AIG1: variants seen among roughly 807,000 people sequenced by gnomAD.
The protein encoded by AIG1 is androgen-induced gene 1 protein.
In AIG1, 23 loss-of-function variants were observed where a neutral mutation model predicts 31.4. The observed-to-expected ratio is 0.73, with a 90% CI of 0.53 to 1.04. AIG1 has a LOEUF of 1.04. Among genes scored for constraint, AIG1 ranks in the 50% least tolerant of loss-of-function variants. The pLI, the probability that AIG1 is intolerant of heterozygous loss-of-function variation, is 0.00. For synonymous variants in AIG1, 100 were observed against 110.5 expected, an observed-to-expected ratio of 0.90 and a Z score of 0.60; for missense variants, 274 against 295.0, an observed-to-expected ratio of 0.93 and a Z score of 0.52.
intron 1 of AIG1, among the ~76,000 whole-genome samples, chr6:143,076,704 G>C (rs1187219355): frequency 7.5e-6 from 1 of 133,930 alleles, no homozygotes; most frequent in African/African-American, 2.9e-5. Flanking sequence ...ATGGAGTCTT[G>C]CTTTGTTGCC....
intron 3 of AIG1, among the ~76,000 whole-genome samples, chr6:143,175,726 T>C (rs1690859127): frequency 1.3e-5 from 2 of 152,200 alleles, no homozygotes; most frequent in South Asian, 2.1e-4. Context: ...CAATTTTTGA[T>C]TTCTTTTAAG....
At chr6:143,118,730 T>C (rs140360422) in intron 1 of AIG1, among the ~76,000 whole-genome samples, 2 of 152,216 alleles carry the variant, frequency 1.3e-5, no homozygotes, top group African/African-American at 2.4e-5. Flanking sequence ...TTATGACTGA[T>C]AGTGCTAATA....
At chr6:143,062,385 A>T (rs144786460) in intron 1 of AIG1, among the ~76,000 whole-genome samples, 11 of 152,152 alleles carry the variant, frequency 7.2e-5, no homozygotes, top group Admixed American at 7.2e-4. Context: ...AACATGCGTG[A>T]TGCCTGCCAG....
chr6:143,084,795 C>T (rs138821348), intron 1 of AIG1, among the ~76,000 whole-genome samples: 27 of 152,226 alleles, frequency 1.8e-4, no homozygotes, highest in Non-Finnish European at 2.8e-4. Flanking sequence ...TCCTAGTTTC[C>T]CTTAGTCCTT....
At chr6:143,307,773 T>C (rs1247519949) in intron 4 of AIG1, among the ~76,000 whole-genome samples, 2 of 151,876 alleles carry the variant, frequency 1.3e-5, no homozygotes, top group Non-Finnish European at 2.9e-5. Flanking sequence ...GTTACTGCTG[T>C]CTTTTTGTTT....
chr6:143,293,231 A>G lies in AIG1; in HGVS notation c.515+9006A>G, dbSNP rs1435417437. On this transcript the variant is annotated intron_variant, in intron 4 of 5. Transcript: ENST00000357847. The surrounding 1 kb of genome is among the most constrained non-coding windows in gnomAD (Gnocchi z 4.8). Reference sequence around the variant, plus strand: ...CTCTCTTCCCCGCCACCCTTATTTTATTTTCATTTTATCCTCTGTTCTTCA... The same window carrying G: ...CTCTCTTCCCCGCCACCCTTATTTTGTTTTCATTTTATCCTCTGTTCTTCA... Among the ~76,000 whole-genome samples, 1 of 151,474 alleles carries G rather than the reference A, an allele frequency of 6.6e-6. No individual in the cohort carries two copies. Among genetic ancestry groups the G allele is most frequent in the Non-Finnish European group, 1.5e-5 (1 of 67,868 alleles).
intron 1 of AIG1, among the ~76,000 whole-genome samples, chr6:143,136,076 A>G (rs1178234509): frequency 2.0e-5 from 3 of 152,206 alleles, no homozygotes; most frequent in South Asian, 2.1e-4. Flanking sequence ...GCTTCCATTC[A>G]TAATTGATTT....
At chr6:143,119,275 A>G (rs1782038471) in intron 1 of AIG1, among the ~76,000 whole-genome samples, 1 of 152,342 alleles carries the variant, frequency 6.6e-6, no homozygotes, top group South Asian at 2.1e-4. Context: ...CAAACACTCC[A>G]TAAACCTTGC....
At chr6:143,065,181 C>T (rs1018220529) in intron 1 of AIG1, among the ~76,000 whole-genome samples, 10 of 152,122 alleles carry the variant, frequency 6.6e-5, no homozygotes, top group African/African-American at 2.4e-4. Context: ...TGTGGTTTTT[C>T]GGTTGCCCCA....
chr6:143,160,778 G>A (rs941938423), intron 2 of AIG1, among the ~76,000 whole-genome samples: 1 of 152,214 alleles, frequency 6.6e-6, no homozygotes, highest in Non-Finnish European at 1.5e-5. Context: ...CATCTGTGCT[G>A]TGTTTATATC....
chr6:143,156,612 T>C (rs1785787418), intron 2 of AIG1, among the ~76,000 whole-genome samples: 1 of 152,212 alleles, frequency 6.6e-6, no homozygotes, highest in Non-Finnish European at 1.5e-5. Flanking sequence ...TGTCTTAGAT[T>C]GGACTCCTGT....
chr6:143,149,444 G>A (rs578149724), intron 2 of AIG1, among the ~76,000 whole-genome samples: 3 of 149,534 alleles, frequency 2.0e-5, no homozygotes, highest in African/African-American at 7.4e-5. Flanking sequence ...GGAGAATGGT[G>A]TGAACCCTGA....
intron 4 of AIG1, among the ~76,000 whole-genome samples, chr6:143,295,086 C>A (rs1798328817): frequency 6.6e-6 from 1 of 152,280 alleles, no homozygotes; most frequent in Admixed American, 6.5e-5. Flanking sequence ...AACCTGCATC[C>A]CCTTGTCATC....
Position 143,330,562 on chromosome 6 carries a change from C to T in AIG1, c.516-2720C>T, listed in dbSNP as rs909464924. On this transcript the variant is annotated intron_variant, in intron 4 of 5. Coordinates refer to ENST00000357847, the MANE Select transcript of AIG1 (RefSeq NM_016108.4). This position sits in a 1 kb window ranked among gnomAD's most constrained non-coding sequence, Gnocchi z 4.4. Reference sequence around the variant, plus strand: ...AACAGGAGATTAAATCAGAAAAGTGCGGGGTAGGGCCTTGAAGAACCATCT... The same window carrying T: ...AACAGGAGATTAAATCAGAAAAGTGTGGGGTAGGGCCTTGAAGAACCATCT... 2.6e-5 allele frequency among the ~76,000 whole-genome samples: 4 copies of T among 151,728 alleles called. No homozygotes were observed. The highest frequency in any genetic ancestry group is 2.1e-4 in the South Asian group (1 of 4,808).
intron 3 of AIG1, among the ~76,000 whole-genome samples, chr6:143,177,923 G>C (rs1195620306): frequency 6.6e-6 from 1 of 152,208 alleles, no homozygotes; most frequent in Non-Finnish European, 1.5e-5. Flanking sequence ...GGCACCTGGA[G>C]GGCATGTGTG....
Position 143,331,041 on chromosome 6 carries a change from G to A in AIG1, c.516-2241G>A, listed in dbSNP as rs926251232. Among the ~76,000 whole-genome samples the A allele has an allele frequency of 1.3e-5, 2 of 152,192 alleles. No individual in the cohort carries two copies. The highest frequency in any genetic ancestry group is 2.9e-5 in the Non-Finnish European group (2 of 68,010). On this transcript the variant is annotated intron_variant, in intron 4 of 5. Coordinates refer to ENST00000357847, the MANE Select transcript of AIG1 (RefSeq NM_016108.4). This position sits in a 1 kb window ranked among gnomAD's most constrained non-coding sequence, Gnocchi z 4.1. ...ATATTTTTGTTTGGACAGTGATTGA[G>A]ACTGACCTGGACAGACCTAGAGAAT...
At chr6:143,142,606 G>A (rs1328757726) in intron 2 of AIG1, among the ~76,000 whole-genome samples, 1 of 152,112 alleles carries the variant, frequency 6.6e-6, no homozygotes, top group Non-Finnish European at 1.5e-5. Flanking sequence ...AACCTGGGAT[G>A]GGTGTCCAGG....
Position 143,122,835 on chromosome 6 carries a change from C to T in AIG1, c.142-14000C>T, listed in dbSNP as rs564165557. Among the ~76,000 whole-genome samples the T allele has an allele frequency of 1.2e-4, 19 of 152,198 alleles. No individual in the cohort carries two copies. The South Asian group carries it at 3.5e-3, about 28-fold the overall frequency. ...ACAGATTCCCATCTTTTAGTTTGTTCCCTCCCACCATACCTGTGATCTACC... is the reference window on the plus strand; with the variant it reads ...ACAGATTCCCATCTTTTAGTTTGTTTCCTCCCACCATACCTGTGATCTACC... On this transcript the variant is annotated intron_variant, in intron 1 of 5. Coordinates refer to ENST00000357847, the MANE Select transcript of AIG1 (RefSeq NM_016108.4).
chr6:143,294,349 G>T (rs941610019), intron 4 of AIG1, among the ~76,000 whole-genome samples: 3 of 152,082 alleles, frequency 2.0e-5, no homozygotes, highest in South Asian at 2.1e-4. Context: ...TGTCTGCATT[G>T]TCTCTACTCT....
Sources: gnomAD v4.1 joint callset for allele counts (sites outside exome capture counted in the v4.1 genomes callset) on GRCh38, gnomAD v4.1.1 for gene constraint, Gnocchi (gnomAD v3.1) non-coding constraint, MANE v1.5 for transcripts, NCBI Gene and HGNC (gene_info 2026-07-23, HGNC 2026-07-21) for gene names.